CEP63: variants seen among roughly 807,000 people sequenced by gnomAD.
The protein encoded by CEP63 is centrosomal protein 63, also known as centrosomal protein of 63 kDa.
Under a neutral mutation model 89.1 loss-of-function variants are expected in CEP63, and 84 were observed. That is an observed-to-expected ratio of 0.94 (90% confidence interval 0.79 to 1.13). CEP63 has a LOEUF of 1.13. Among genes scored for constraint, CEP63 ranks in the 50% most tolerant of loss-of-function variants. The pLI is 0.00. For synonymous variants in CEP63, 267 were observed against 272.5 expected (o/e 0.98, Z 0.20); for missense variants, 838 against 813.3 (o/e 1.03, Z -0.37).
At chr3:134,496,872 A>T (rs1377353553) in intron 2 of CEP63, among the ~76,000 whole-genome samples, 1 of 152,178 alleles carries the variant, frequency 6.6e-6, no homozygotes, top group Non-Finnish European at 1.5e-5. Flanking sequence ...TAATGGCTGT[A>T]CTAATTTTAC....
At chr3:134,604,117 C>G in the CEP63 span, 14 of 1,610,908 alleles carry the variant, frequency 8.7e-6, no homozygotes, top group Non-Finnish European at 1.1e-5. Flanking sequence ...CACGCTGAAG[C>G]TGATGGAGCA....
At chr3:134,651,932 CG>C in the CEP63 span, among the ~76,000 whole-genome samples, 1 of 152,144 alleles carries the variant, frequency 6.6e-6, no homozygotes, top group African/African-American at 2.4e-5. Context: ...CTGCTGGGGG[CG>C]TTCCCCTAAT....
At chr3:134,530,241 T>C (rs1949595521) in intron 3 of CEP63, among the ~76,000 whole-genome samples, 1 of 152,250 alleles carries the variant, frequency 6.6e-6, no homozygotes, top group African/African-American at 2.4e-5. Context: ...TCATGTGCTT[T>C]GTATTTCAGC....
chr3:134,665,624 C>G, the CEP63 span, among the ~76,000 whole-genome samples: 1 of 146,314 alleles, frequency 6.8e-6, no homozygotes, highest in African/African-American at 2.5e-5. Context: ...AGGGTGAAGA[C>G]AGGGGAAGAG....
chr3:134,685,409 T>G, the CEP63 span, among the ~76,000 whole-genome samples: 2 of 152,284 alleles, frequency 1.3e-5, no homozygotes, highest in African/African-American at 4.8e-5. Context: ...ATCTCACCCC[T>G]TGTATGGGAT....
intron 12 of CEP63, chr3:134,553,638 T>C (rs1955420874): frequency 6.6e-6 from 1 of 152,354 alleles, no homozygotes; most frequent in South Asian, 2.1e-4. Context: ...AAAACTAATA[T>C]ATAGCCAGTG....
the CEP63 span, among the ~76,000 whole-genome samples, chr3:134,755,108 G>T: frequency 6.6e-6 from 1 of 152,212 alleles, no homozygotes; most frequent in Non-Finnish European, 1.5e-5. Context: ...GAGGAAGGGT[G>T]CTGGGCCATG....
At chr3:134,545,034 A>T (rs1952945825) in intron 6 of CEP63, among the ~76,000 whole-genome samples, 1 of 151,984 alleles carries the variant, frequency 6.6e-6, no homozygotes, top group South Asian at 2.1e-4. Flanking sequence ...TCATTCTGTC[A>T]CTAGGCTGCA....
At chr3:134,537,330 C>A in intron 6 of CEP63, 62 bp downstream of exon 6, 1 of 1,028,126 alleles carries the variant, frequency 9.7e-7, no homozygotes, top group Non-Finnish European at 1.5e-6. Context: ...TTTGAACTAC[C>A]TTAATGCAGT....
At chr3:134,622,119 G>A in the CEP63 span, among the ~76,000 whole-genome samples, 2 of 152,228 alleles carry the variant, frequency 1.3e-5, no homozygotes, top group African/African-American at 4.8e-5. Flanking sequence ...TAGTGGGAAT[G>A]TAAAATTGTG....
intron 3 of CEP63, among the ~76,000 whole-genome samples, chr3:134,517,420 A>T (rs1306937276): frequency 6.6e-6 from 1 of 152,254 alleles, no homozygotes. Flanking sequence ...AACTGATGGA[A>T]TAAGAGACAA....
At chr3:134,773,879 T>C in the CEP63 span, among the ~76,000 whole-genome samples, 14 of 152,308 alleles carry the variant, frequency 9.2e-5, no homozygotes, top group Admixed American at 6.5e-4. Context: ...TCTTACTCAT[T>C]GTATTTCTGT....
At chr3:134,650,752 C>G in the CEP63 span, 3 of 1,375,984 alleles carry the variant, frequency 2.2e-6, no homozygotes, top group Admixed American at 5.8e-5. Flanking sequence ...GGGCGCCCCC[C>G]GGCGGGCAGG....
chr3:134,620,791 C>T, the CEP63 span: 1 of 1,613,716 alleles, frequency 6.2e-7, no homozygotes, highest in Non-Finnish European at 8.5e-7. Flanking sequence ...CGGACCCTTT[C>T]CAGGTCAGTG....
At chr3:134,701,259 C>CGTATATATGTGTGT in the CEP63 span, among the ~76,000 whole-genome samples, 2 of 72,768 alleles carry the variant, frequency 2.7e-5, no homozygotes, top group South Asian at 1.3e-3. Context: ...TACATATACA[C>CGTATATATGTGTGT]ATATATACAT....
At chr3:134,574,438 T>C (rs1958142463) in intron 11 of CEP63, among the ~76,000 whole-genome samples, 2 of 152,226 alleles carry the variant, frequency 1.3e-5, no homozygotes, top group Non-Finnish European at 2.9e-5. Context: ...TAGTGATGTG[T>C]CAGACAATTA....
At chr3:134,573,750 G>C (rs1958113767) in intron 11 of CEP63, among the ~76,000 whole-genome samples, 5 of 152,090 alleles carry the variant, frequency 3.3e-5, no homozygotes, top group Admixed American at 3.3e-4. Flanking sequence ...TAAGAGCTTA[G>C]CCTTTAAATG....
chr3:134,632,958 A>G, the CEP63 span, among the ~76,000 whole-genome samples: 1 of 152,194 alleles, frequency 6.6e-6, no homozygotes, highest in South Asian at 2.1e-4. Flanking sequence ...ATGTATTAAA[A>G]TAATAATAAA....
the CEP63 span, among the ~76,000 whole-genome samples, chr3:134,681,395 C>T: frequency 1.3e-5 from 2 of 152,162 alleles, no homozygotes; most frequent in African/African-American, 4.8e-5. Flanking sequence ...ATCATAATCT[C>T]AGGGTACATG....
Sources: gnomAD v4.1 joint callset for allele counts (sites outside exome capture counted in the v4.1 genomes callset) on GRCh38, gnomAD v4.1.1 for gene constraint, MANE v1.5 for transcripts, NCBI Gene and HGNC (gene_info 2026-07-23, HGNC 2026-07-21) for gene names.